The following DAW1 variants were observed in gnomAD, a reference collection of about 807,000 sequenced individuals.
The protein encoded by DAW1 is dynein assembly factor with WD repeats 1, also known as dynein assembly factor with WD repeat domains 1.
DAW1 carries 47 observed loss-of-function variants against 56.5 expected under a neutral mutation model. The ratio of observed to expected loss-of-function variants is 0.83; its 90% CI spans 0.66 to 1.06. DAW1 has a LOEUF of 1.06. Ranked by LOEUF, DAW1 falls within the 50% of genes least tolerant of loss-of-function variation. The probability of loss-of-function intolerance (pLI) is 0.00; values close to 1 mark genes in which losing one functional copy is unlikely to be tolerated. For missense variants in DAW1, 505 were observed against 499.3 expected (o/e 1.01, Z -0.11); for synonymous variants, 190 against 179.0 (o/e 1.06, Z -0.49).
intron 2 of DAW1, 92 bp downstream of exon 2, chr2:227,885,515 T>A: frequency 1.1e-6 from 1 of 923,072 alleles, no homozygotes; most frequent in Non-Finnish European, 1.6e-6. Context: ...CTGCAGATAA[T>A]ACATTATGTT....
Position 227,885,424 on chromosome 2 carries a change from G to C in DAW1, c.113+1G>C. On this transcript the variant is annotated splice_donor_variant, in intron 2 of 12. Coordinates refer to ENST00000309931, the MANE Select transcript of DAW1 (RefSeq NM_178821.3). LOFTEE classifies it high-confidence loss of function. ...TAGATTTGCTTGATCTTGGTCCCAG[G>C]TAAGTAAGCTGTAGGATTCAACAAA... 1 of 1,599,176 alleles carries C rather than the reference G, an allele frequency of 6.3e-7. No individual in the cohort carries two copies. The highest frequency in any genetic ancestry group is 8.5e-7 in the Non-Finnish European group (1 of 1,174,566).
At chr2:227,910,745 A>T (rs553687472) in intron 10 of DAW1, among the ~76,000 whole-genome samples, 1 of 152,260 alleles carries the variant, frequency 6.6e-6, no homozygotes, top group South Asian at 2.1e-4. Flanking sequence ...CACTATGTCC[A>T]TGCCATTTGG....
At chr2:227,903,197 T>A in intron 7 of DAW1, 88 bp downstream of exon 7, 1 of 1,383,910 alleles carries the variant, frequency 7.2e-7, no homozygotes, top group Non-Finnish European at 1.0e-6. Context: ...TGGAGGTTGT[T>A]GAGTTGCTGG....
At chr2:227,918,191 C>CCATCCATCCAT (rs1692018493) in intron 10 of DAW1, among the ~76,000 whole-genome samples, 1 of 146,184 alleles carries the variant, frequency 6.8e-6, no homozygotes, top group South Asian at 2.2e-4. Context: ...ATCCATCCAT[C>CCATCCATCCAT]CATCCATCCA....
chr2:227,885,484 T>C (rs1691102276), intron 2 of DAW1, 61 bp downstream of exon 2: 1 of 1,292,542 alleles, frequency 7.7e-7, no homozygotes, highest in Non-Finnish European at 1.1e-6. Context: ...CACAGAGTGA[T>C]GTGTGGATGA....
chr2:227,885,517 C>CT (rs1691104438), intron 2 of DAW1, 94 bp downstream of exon 2: 1 of 908,348 alleles, frequency 1.1e-6, no homozygotes, highest in Admixed American at 2.9e-5. Context: ...GCAGATAATA[C>CT]ATTATGTTTT....
intron 11 of DAW1, among the ~76,000 whole-genome samples, chr2:227,920,189 T>A (rs542221659): frequency 4.6e-5 from 7 of 152,370 alleles, no homozygotes; most frequent in African/African-American, 1.4e-4. Context: ...AGTGCTATTT[T>A]ATTACATTTT....
In DAW1 at chr2:227,871,637, T is replaced by TA; in HGVS notation, c.-52dup. ...TGCGCACCCGCGTCCCGCTGCTGTT[T>TA]AGCCGTTTCCAAGGCTACGAAGCCC... On this transcript the variant is annotated 5_prime_UTR_variant, in exon 1 of 13. Transcript: ENST00000309931. 1 of 1,601,004 alleles carries TA rather than the reference T, an allele frequency of 6.2e-7. No individual in the cohort carries two copies. Among genetic ancestry groups the TA allele is most frequent in the African/African-American group, 1.3e-5 (1 of 74,828 alleles).
chr2:227,893,538 G>C (rs970609498), intron 4 of DAW1, among the ~76,000 whole-genome samples: 3 of 151,980 alleles, frequency 2.0e-5, no homozygotes, highest in East Asian at 2.0e-4. Flanking sequence ...CAGGCGTGGT[G>C]GTGGGTGCCT....
At chr2:227,904,533 A>T (rs1278366177) in intron 7 of DAW1, among the ~76,000 whole-genome samples, 1 of 152,202 alleles carries the variant, frequency 6.6e-6, no homozygotes, top group East Asian at 1.9e-4. Flanking sequence ...TTACTTTTGC[A>T]TACCATGTGT....
At chr2:227,915,903 C>T (rs1299354261) in intron 10 of DAW1, among the ~76,000 whole-genome samples, 6 of 151,900 alleles carry the variant, frequency 3.9e-5, no homozygotes, top group Admixed American at 6.6e-5. Context: ...GATATTATGC[C>T]GTAGTTCATC....
At chr2:227,910,696 G>A (rs1691794853) in intron 10 of DAW1, among the ~76,000 whole-genome samples, 2 of 151,898 alleles carry the variant, frequency 1.3e-5, no homozygotes, top group Admixed American at 1.3e-4. Flanking sequence ...TATTACACTA[G>A]GCTACAATTA....
At position 227,904,957 on chromosome 2, in the gene DAW1, C is replaced by T; in HGVS notation, c.677C>T (p.Ser226Leu). 1.2e-6 allele frequency: 2 copies of T among 1,613,502 alleles called. No homozygotes were observed. Among genetic ancestry groups the T allele is most frequent in the Non-Finnish European group, 1.7e-6 (2 of 1,179,622 alleles). ...CATTCTGCCGAAATCATCTCCTTGT[C>T]ATTTAACACCTCAGGAGACAGAATC... ...RGHSAEIISL[S>L]FNTSGDRIIT... is the part of the protein sequence containing the mutation. Residue 226 changes from serine (S) to leucine (L), a missense_variant, in exon 8 of 13, where the codon TCA becomes TTA. Coordinates refer to ENST00000309931, the MANE Select transcript of DAW1 (RefSeq NM_178821.3).
intron 4 of DAW1, 137 bp from the exon 5 acceptor site, chr2:227,893,658 C>A: frequency 7.6e-7 from 1 of 1,318,366 alleles, no homozygotes; most frequent in East Asian, 2.7e-5. Flanking sequence ...AGTGACAGAG[C>A]GAGACTCCCT....
At chr2:227,884,493 C>G (rs1030247228) in intron 1 of DAW1, among the ~76,000 whole-genome samples, 1 of 152,162 alleles carries the variant, frequency 6.6e-6, no homozygotes, top group Non-Finnish European at 1.5e-5. Context: ...GCTACTTTTG[C>G]GGGCGTTGGT....
At chr2:227,903,171 A>G in intron 7 of DAW1, 62 bp downstream of exon 7, 3 of 1,548,560 alleles carry the variant, frequency 1.9e-6, no homozygotes, top group Non-Finnish European at 2.7e-6. Context: ...TTTTTGTTAC[A>G]AAATGAGCTC....
In DAW1 at chr2:227,900,253, G is replaced by A. The variant is rs114068048; in HGVS notation, c.540+1972G>A. ...CCAAAGTCAAAGAAAAACATAATGT[G>A]TGTCCTTAGAGTGTGACCATTTTTG... is the stretch of plus-strand genomic sequence containing the variant. On this transcript the variant is annotated intron_variant, in intron 6 of 12. Coordinates refer to ENST00000309931, the MANE Select transcript of DAW1 (RefSeq NM_178821.3). 8.5e-3 allele frequency among the ~76,000 whole-genome samples: 1,295 copies of A among 152,266 alleles called. 13 individuals carry two copies. Among genetic ancestry groups the A allele is most frequent in the African/African-American group, 0.029 (1,217 of 41,546 alleles).
intron 1 of DAW1, among the ~76,000 whole-genome samples, chr2:227,884,755 G>A (rs963250177): frequency 6.6e-6 from 1 of 152,158 alleles, no homozygotes; most frequent in African/African-American, 2.4e-5. Flanking sequence ...AATGAGGTCT[G>A]AGACATCCCT....
rs80031208 is a variant in DAW1, at chr2:227,885,334, T to C, written c.41-17T>C. Reference sequence around the variant, plus strand: ...GTTATCGTAAGTGTTTTATAACATGTTTGTTTATTTCTATAGGAATTATGT... The same window carrying C: ...GTTATCGTAAGTGTTTTATAACATGCTTGTTTATTTCTATAGGAATTATGT... On this transcript the variant is annotated splice_polypyrimidine_tract_variant and intron_variant, in intron 1 of 12. Coordinates refer to ENST00000309931, the MANE Select transcript of DAW1 (RefSeq NM_178821.3). 2.3e-4 allele frequency: 360 copies of C among 1,548,566 alleles called. 1 individual carries two copies. The African/African-American group carries it at 4.4e-3, about 19-fold the overall frequency.
Sources: gnomAD v4.1 joint callset for allele counts (sites outside exome capture counted in the v4.1 genomes callset) on GRCh38, gnomAD v4.1.1 for gene constraint, MANE v1.5 for transcripts, NCBI Gene and HGNC (gene_info 2026-07-23, HGNC 2026-07-21) for gene names.